The following ANAPC10 variants were observed in gnomAD, a reference collection of about 807,000 sequenced individuals.
ANAPC10 encodes anaphase-promoting complex subunit 10.
A neutral mutation model predicts 22.0 loss-of-function variants in ANAPC10; 12 were observed. That is an observed-to-expected ratio of 0.55 (90% confidence interval 0.35 to 0.88). ANAPC10 has a LOEUF of 0.88. ANAPC10 is among the 40% of genes least tolerant of loss of function. The probability of loss-of-function intolerance (pLI) is 0.01; values close to 1 mark genes in which losing one functional copy is unlikely to be tolerated. For synonymous variants in ANAPC10, 65 were observed against 69.5 expected, an observed-to-expected ratio of 0.94 and a Z score of 0.32; for missense variants, 188 against 220.9, an observed-to-expected ratio of 0.85 and a Z score of 0.94.
chr4:145,067,181 A>G (rs1743828637), intron 3 of ANAPC10, among the ~76,000 whole-genome samples: 1 of 152,208 alleles, frequency 6.6e-6, no homozygotes. Flanking sequence ...ATAATATTTC[A>G]TGGAAAAGCA....
chr4:145,066,656 G>C (rs1047047758), intron 3 of ANAPC10, among the ~76,000 whole-genome samples: 3 of 152,034 alleles, frequency 2.0e-5, no homozygotes, highest in African/African-American at 7.2e-5. Context: ...AATAAACACA[G>C]TAACAGCAAA....
chr4:145,049,581 T>C (rs1176740772), intron 4 of ANAPC10, among the ~76,000 whole-genome samples: 4 of 152,264 alleles, frequency 2.6e-5, no homozygotes, highest in African/African-American at 9.6e-5. Flanking sequence ...TCAGGCTCCA[T>C]TTCTTTTTGT....
At chr4:145,054,176 G>T (rs532974926) in intron 4 of ANAPC10, among the ~76,000 whole-genome samples, 1 of 151,494 alleles carries the variant, frequency 6.6e-6, no homozygotes, top group African/African-American at 2.4e-5. Flanking sequence ...CAAAGTGCTG[G>T]TATTACAGGC....
chr4:145,055,120 TTAAGA>T (rs773738648), intron 4 of ANAPC10, among the ~76,000 whole-genome samples: 4 of 152,280 alleles, frequency 2.6e-5, no homozygotes, highest in East Asian at 1.9e-4. Context: ...ATAAAGGATC[TTAAGA>T]TAAGTGTACA....
At position 144,994,726 on chromosome 4, in the gene ANAPC10, G is replaced by C. The variant is rs1731370918; in HGVS notation, c.*647C>G. The C allele has an allele frequency of 2.6e-5, 4 of 151,964 alleles. No homozygotes were observed. In the South Asian group the frequency reaches 8.3e-4, roughly 31 times the overall value. 9.4% of individuals were successfully genotyped at this position (151,964 alleles called of 1,614,324 possible). A position where few individuals can be genotyped will look rare whatever the true frequency, so the allele number is the denominator to read the frequency against. On this transcript the variant is annotated 3_prime_UTR_variant, in exon 5 of 5. Transcript: ENST00000507656. Reference sequence around the variant, plus strand: ...CTGCTAGAACTCTTCCATAAGTACTGCTAGATTATACAGGCAATCTTTACA... The same window carrying C: ...CTGCTAGAACTCTTCCATAAGTACTCCTAGATTATACAGGCAATCTTTACA...
At chr4:145,030,615 A>T (rs1001475380) in intron 4 of ANAPC10, among the ~76,000 whole-genome samples, 1 of 152,054 alleles carries the variant, frequency 6.6e-6, no homozygotes, top group Non-Finnish European at 1.5e-5. Flanking sequence ...GGGTCCCCAG[A>T]CTCATCCTGT....
intron 4 of ANAPC10, among the ~76,000 whole-genome samples, chr4:145,009,112 G>A (rs1009734273): frequency 6.6e-6 from 1 of 151,940 alleles, no homozygotes; most frequent in Non-Finnish European, 1.5e-5. Context: ...AAAATACCTA[G>A]GAATACAACT....
intron 4 of ANAPC10, among the ~76,000 whole-genome samples, chr4:145,023,575 C>A (rs937981111): frequency 6.6e-6 from 1 of 152,162 alleles, no homozygotes; most frequent in Non-Finnish European, 1.5e-5. Context: ...GCAAGTCACA[C>A]AAATTTTTTG....
chr4:145,025,094 C>A (rs1736470782), intron 4 of ANAPC10, among the ~76,000 whole-genome samples: 1 of 152,286 alleles, frequency 6.6e-6, no homozygotes, highest in South Asian at 2.1e-4. Context: ...AGCTTCCTCA[C>A]CTCTTAGCCT....
intron 4 of ANAPC10, among the ~76,000 whole-genome samples, chr4:145,049,587 T>C (rs1740807509): frequency 6.6e-6 from 1 of 151,904 alleles, no homozygotes; most frequent in Non-Finnish European, 1.5e-5. Context: ...TCCATTTCTT[T>C]TTGTTTTTTT....
chr4:145,075,278 C>T (rs1745031401), intron 3 of ANAPC10, among the ~76,000 whole-genome samples: 1 of 152,176 alleles, frequency 6.6e-6, no homozygotes, highest in African/African-American at 2.4e-5. Flanking sequence ...TGAGTTTACA[C>T]TCTTCAAAAG....
At chr4:145,059,375 A>T (rs1446299928) in intron 4 of ANAPC10, among the ~76,000 whole-genome samples, 1 of 152,138 alleles carries the variant, frequency 6.6e-6, no homozygotes, top group Non-Finnish European at 1.5e-5. Flanking sequence ...ACCATGGGAA[A>T]ACATTACAGC....
At chr4:145,003,032 A>G (rs1429957932) in intron 4 of ANAPC10, among the ~76,000 whole-genome samples, 2 of 152,076 alleles carry the variant, frequency 1.3e-5, no homozygotes, top group Non-Finnish European at 2.9e-5. Context: ...CACCCTCAAG[A>G]AAGTCCCAGC....
chr4:145,033,967 A>C (rs924980353), intron 4 of ANAPC10, among the ~76,000 whole-genome samples: 2 of 152,206 alleles, frequency 1.3e-5, no homozygotes, highest in Non-Finnish European at 2.9e-5. Context: ...GCATTTAAGT[A>C]TTGTTAACTT....
intron 4 of ANAPC10, among the ~76,000 whole-genome samples, chr4:145,017,373 T>A (rs1422801355): frequency 6.6e-6 from 1 of 152,182 alleles, no homozygotes; most frequent in Non-Finnish European, 1.5e-5. Context: ...GAAAAAATGC[T>A]CATCATCACT....
At chr4:145,082,086 C>T (rs1746118005) in intron 2 of ANAPC10, among the ~76,000 whole-genome samples, 1 of 152,162 alleles carries the variant, frequency 6.6e-6, no homozygotes, top group Non-Finnish European at 1.5e-5. Flanking sequence ...ATCACTTGCA[C>T]ATACAAACCC....
chr4:145,064,242 C>CA (rs895651253), intron 4 of ANAPC10: 2 of 164,876 alleles, frequency 1.2e-5, no homozygotes, highest in African/African-American at 4.8e-5. Flanking sequence ...TTTAAATGCA[C>CA]AAAAAAATTA....
chr4:145,074,872 T>C (rs1744973941), intron 3 of ANAPC10, among the ~76,000 whole-genome samples: 1 of 152,238 alleles, frequency 6.6e-6, no homozygotes, highest in Non-Finnish European at 1.5e-5. Context: ...GGCTAAGTTT[T>C]TTCTTATGAG....
At chr4:145,069,281 A>G (rs1744147887) in intron 3 of ANAPC10, among the ~76,000 whole-genome samples, 1 of 151,144 alleles carries the variant, frequency 6.6e-6, no homozygotes, top group South Asian at 2.1e-4. Context: ...TGGGACTGCA[A>G]TGTGAAGAGG....
Sources: gnomAD v4.1 joint callset for allele counts (sites outside exome capture counted in the v4.1 genomes callset) on GRCh38, gnomAD v4.1.1 for gene constraint, MANE v1.5 for transcripts, NCBI Gene and HGNC (gene_info 2026-07-23, HGNC 2026-07-21) for gene names.